SULF1: variants seen among roughly 807,000 people sequenced by gnomAD.
SULF1 encodes the protein extracellular sulfatase Sulf-1.
A neutral mutation model predicts 110.5 loss-of-function variants in SULF1; 46 were observed. The observed-to-expected ratio is 0.42, with a 90% CI of 0.33 to 0.53. SULF1 has a LOEUF of 0.53. Ranked by LOEUF, SULF1 falls within the 20% of genes least tolerant of loss-of-function variation. The probability of loss-of-function intolerance (pLI) is 0.12; values close to 1 mark genes in which losing one functional copy is unlikely to be tolerated. For synonymous variants in SULF1, 371 were observed against 387.1 expected, an observed-to-expected ratio of 0.96 and a Z score of 0.49; for missense variants, 941 against 1,094.2, an observed-to-expected ratio of 0.86 and a Z score of 1.98.
At chr8:69,468,109 C>T (rs1160120577) in intron 1 of SULF1, among the ~76,000 whole-genome samples, 1 of 152,208 alleles carries the variant, frequency 6.6e-6, no homozygotes, top group Non-Finnish European at 1.5e-5. Flanking sequence ...CCCTAATATA[C>T]TTGCCCTCCG....
chr8:69,528,257 G>A (rs1052167977), intron 3 of SULF1, among the ~76,000 whole-genome samples: 1 of 152,124 alleles, frequency 6.6e-6, no homozygotes, highest in Non-Finnish European at 1.5e-5. Context: ...ACGGTAGAGG[G>A]TATAAATATG....
At chr8:69,631,256 A>C (rs1367845299) in intron 19 of SULF1, among the ~76,000 whole-genome samples, 1 of 152,190 alleles carries the variant, frequency 6.6e-6, no homozygotes, top group Admixed American at 6.5e-5. Context: ...TGCTTATGGC[A>C]GAAGGAGGCC....
At chr8:69,519,510 T>A (rs1458454260) in intron 3 of SULF1, among the ~76,000 whole-genome samples, 1 of 152,160 alleles carries the variant, frequency 6.6e-6, no homozygotes, top group Non-Finnish European at 1.5e-5. Context: ...GTCAGGTTAG[T>A]TCTATGCTAA....
At chr8:69,536,662 C>T (rs1345174717) in intron 3 of SULF1, among the ~76,000 whole-genome samples, 1 of 152,128 alleles carries the variant, frequency 6.6e-6, no homozygotes, top group Non-Finnish European at 1.5e-5. Flanking sequence ...GATGGAGCCC[C>T]GAAGCACAGA....
intron 7 of SULF1, among the ~76,000 whole-genome samples, chr8:69,586,898 A>G (rs1806507713): frequency 6.6e-6 from 1 of 152,234 alleles, no homozygotes. Flanking sequence ...CTGTGGCTTC[A>G]GATTTAGGCA....
chr8:69,586,117 A>G (rs1806442101), intron 6 of SULF1, among the ~76,000 whole-genome samples: 1 of 152,174 alleles, frequency 6.6e-6, no homozygotes, highest in Non-Finnish European at 1.5e-5. Context: ...GATCATTATG[A>G]TGGTTTCATT....
chr8:69,643,539 C>G lies in SULF1; in HGVS notation c.2585+2698C>G, dbSNP rs185519398. ...CAGCAGAGCATTTTTTTAAATGTAT[C>G]TTGTACAAGATGAACTAAATAAATG... On this transcript the variant is annotated intron_variant, in intron 22 of 22. Coordinates refer to ENST00000402687, the MANE Select transcript of SULF1 (RefSeq NM_001128205.2). Among the ~76,000 whole-genome samples, 8 of 152,174 alleles carry G rather than the reference C, an allele frequency of 5.3e-5. No homozygotes were observed. In the East Asian group the frequency reaches 1.5e-3, roughly 29 times the overall value.
intron 3 of SULF1, among the ~76,000 whole-genome samples, chr8:69,521,469 A>G (rs980729022): frequency 6.6e-6 from 1 of 152,202 alleles, no homozygotes; most frequent in Non-Finnish European, 1.5e-5. Context: ...AGGTGGTAAG[A>G]TTTGAACAAA....
At chr8:69,578,987 CTG>C (rs1391893009) in intron 6 of SULF1, among the ~76,000 whole-genome samples, 1 of 151,466 alleles carries the variant, frequency 6.6e-6, no homozygotes, top group Non-Finnish European at 1.5e-5. Context: ...CACGGTGAAA[CTG>C]TCTCTACTAA....
chr8:69,537,300 G>A (rs1382937582), intron 3 of SULF1, among the ~76,000 whole-genome samples: 2 of 152,150 alleles, frequency 1.3e-5, no homozygotes, highest in African/African-American at 2.4e-5. Flanking sequence ...TTGAATGAAT[G>A]CCAGGACCCT....
intron 12 of SULF1, among the ~76,000 whole-genome samples, chr8:69,604,200 T>G (rs1227194419): frequency 1.3e-5 from 2 of 152,188 alleles, no homozygotes; most frequent in Admixed American, 6.5e-5. Context: ...ACCAAAGCCT[T>G]TATCATGGGT....
chr8:69,627,743 A>T, intron 16 of SULF1, 29 bp from the exon 17 acceptor site: 1 of 1,442,756 alleles, frequency 6.9e-7, no homozygotes, highest in Non-Finnish European at 9.7e-7. Flanking sequence ...TGATCTTAAT[A>T]CGTAAGTGCT....
chr8:69,546,597 C>G (rs1422269163), intron 3 of SULF1, among the ~76,000 whole-genome samples: 1 of 152,236 alleles, frequency 6.6e-6, no homozygotes, highest in Admixed American at 6.5e-5. Context: ...ACTTCCTAAT[C>G]TGTTTTTGTA....
At chr8:69,589,249 G>A in intron 8 of SULF1, 108 bp downstream of exon 8, 1 of 1,120,992 alleles carries the variant, frequency 8.9e-7, no homozygotes, top group South Asian at 1.8e-5. Flanking sequence ...TATCCACAAG[G>A]CTTTCTTCAT....
chr8:69,658,507 G>A lies in SULF1; in HGVS notation c.2588G>A (p.Gly863Glu). The A allele has an allele frequency of 6.3e-7, 1 of 1,593,678 alleles. No individual in the cohort carries two copies. Among genetic ancestry groups the A allele is most frequent in the Non-Finnish European group, 8.5e-7 (1 of 1,169,834 alleles). ...CACCTTCTTCTCTCTTTTCACAGAG[G>A]ACAGTTATGGGATGGATGGGAAGGT... is the stretch of plus-strand genomic sequence containing the variant. ...KDGGSYDLHR[G>E]QLWDGWEG is the part of the protein sequence containing the mutation. Residue 863 changes from glycine to glutamate, a missense_variant and splice_region_variant, in exon 23 of 23, where the codon GGA becomes GAA. Physicochemically the swap from Gly to Glu is moderately conservative, Grantham distance 98. This residue lies in a region of SULF1 where 112 missense variants were observed against 133.5 expected (regional missense o/e 0.84). Transcript: ENST00000402687.
chr8:69,614,136 G>T (rs1808890108), intron 13 of SULF1, among the ~76,000 whole-genome samples: 1 of 152,124 alleles, frequency 6.6e-6, no homozygotes, highest in African/African-American at 2.4e-5. Flanking sequence ...TTGAGTGCCT[G>T]CCATGTGCTG....
At chr8:69,602,922 A>G (rs1235927943) in intron 10 of SULF1, among the ~76,000 whole-genome samples, 1 of 152,226 alleles carries the variant, frequency 6.6e-6, no homozygotes, top group African/African-American at 2.4e-5. Flanking sequence ...AAAACCATGT[A>G]TCAGGCTGCA....
intron 22 of SULF1, among the ~76,000 whole-genome samples, chr8:69,651,830 C>T (rs1812365317): frequency 6.6e-6 from 1 of 151,964 alleles, no homozygotes; most frequent in Non-Finnish European, 1.5e-5. Context: ...TTTGTTTTTA[C>T]CAGCATTATC....
intron 1 of SULF1, among the ~76,000 whole-genome samples, chr8:69,468,817 G>T (rs968497908): frequency 6.6e-6 from 1 of 152,144 alleles, no homozygotes; most frequent in African/African-American, 2.4e-5. Flanking sequence ...CTCACAGATC[G>T]GATTTTCCTC....
Sources: allele counts gnomAD v4.1 joint callset (sites outside exome capture counted in the v4.1 genomes callset), GRCh38; gene constraint gnomAD v4.1.1; regional missense constraint gnomAD v4.1.1; transcripts MANE v1.5; gene names NCBI Gene and HGNC (gene_info 2026-07-23, HGNC 2026-07-21).